The following BPTF variants were observed in gnomAD, a reference collection of about 807,000 sequenced individuals.
BPTF encodes nucleosome-remodeling factor subunit BPTF.
In BPTF, 18 loss-of-function variants were observed where a neutral mutation model predicts 292.5. That is an observed-to-expected ratio of 0.06 (90% CI 0.04 to 0.09). The LOEUF is 0.09. BPTF is among the 10% of genes least tolerant of loss of function. The pLI, the probability that BPTF is intolerant of heterozygous loss-of-function variation, is 1.00. For synonymous variants in BPTF, 1,225 were observed against 1,251.9 expected (o/e 0.98, Z 0.45); for missense variants, 2,726 against 3,498.7 (o/e 0.78, Z 5.57).
chr17:67,973,077 T>A (rs535413415), intron 26 of BPTF, among the ~76,000 whole-genome samples: 15 of 144,416 alleles, frequency 1.0e-4, no homozygotes, highest in Non-Finnish European at 2.0e-4. Flanking sequence ...AATATATATA[T>A]AATATATATA....
rs1483992750 is a variant in BPTF, at chr17:67,911,289, C to T, written c.3405C>T (p.Asp1135=). ...SPNANNDQPE[D]LIQGCSESDS... Reference sequence around the variant, plus strand: ...ATGCAAATAATGATCAACCTGAGGACTTGATTCAGGGATGTTCAGAAAGTG... The same window carrying T: ...ATGCAAATAATGATCAACCTGAGGATTTGATTCAGGGATGTTCAGAAAGTG... The change falls in exon 11 of 28, where the codon GAC becomes GAT. Residue 1135 remains aspartate, a synonymous_variant. Coordinates refer to ENST00000306378, the MANE Select transcript of BPTF (RefSeq NM_182641.4). 1.2e-6 allele frequency: 2 copies of T among 1,613,956 alleles called. No homozygotes were observed. The highest frequency in any genetic ancestry group is 2.7e-5 in the African/African-American group (2 of 74,926).
rs149018701 is a variant in BPTF at position 67,837,838 on chromosome 17, C to T, written c.613+11501C>T. Among the ~76,000 whole-genome samples the T allele has an allele frequency of 1.2e-4, 19 of 152,290 alleles. 2 individuals carry two copies. The East Asian group carries it at 3.7e-3, about 29-fold the overall frequency. On this transcript the variant is annotated intron_variant, in intron 1 of 27. Coordinates refer to ENST00000306378, the MANE Select transcript of BPTF (RefSeq NM_182641.4). ...ATTTATTGGCAAATACACTCACTTGCGATGTGATATGAGACCCTGAGTTTT... is the reference window on the plus strand; with the variant it reads ...ATTTATTGGCAAATACACTCACTTGTGATGTGATATGAGACCCTGAGTTTT...
At chr17:67,849,586 G>A (rs915814829) in intron 1 of BPTF, among the ~76,000 whole-genome samples, 2 of 152,032 alleles carry the variant, frequency 1.3e-5, no homozygotes, top group Non-Finnish European at 2.9e-5. Context: ...TCAGGATATA[G>A]GGAGGTGTTT....
intron 18 of BPTF, among the ~76,000 whole-genome samples, chr17:67,939,756 T>A (rs1300071082): frequency 6.6e-6 from 1 of 152,204 alleles, no homozygotes; most frequent in African/African-American, 2.4e-5. Context: ...GGGACATGCC[T>A]GTAGTCCCAG....
intron 13 of BPTF, 83 bp from the exon 14 acceptor site, chr17:67,922,757 C>A: frequency 1.4e-6 from 2 of 1,460,328 alleles, no homozygotes; most frequent in Non-Finnish European, 1.8e-6. Flanking sequence ...GTTTGCCAAC[C>A]ACTTTTTCAT....
In BPTF at chr17:67,981,338, C is replaced by T. The variant is rs567382137; in HGVS notation, c.8727-914C>T. The T allele has an allele frequency of 3.1e-4, 101 of 327,638 alleles. No individual in the cohort carries two copies. The South Asian group carries it at 4.2e-3, about 14-fold the overall frequency. The allele number at this position is 327,638 out of a possible 1,614,324, so 20.3% of individuals were successfully genotyped here. On this transcript the variant is annotated intron_variant, in intron 27 of 27. Transcript: ENST00000306378. ...CAGAATTTCCTTTGCCATATTTTCC[C>T]ATTTTATGATCTCCAGCATTGTTTG... is the stretch of plus-strand genomic sequence containing the variant.
At chr17:67,921,954 C>T (rs1483029379) in intron 13 of BPTF, among the ~76,000 whole-genome samples, 1 of 152,096 alleles carries the variant, frequency 6.6e-6, no homozygotes, top group African/African-American at 2.4e-5. Context: ...ATTGGTAAAC[C>T]CAGGATGGGG....
intron 1 of BPTF, among the ~76,000 whole-genome samples, chr17:67,830,647 G>A (rs1273638953): frequency 6.6e-6 from 1 of 152,022 alleles, no homozygotes; most frequent in Non-Finnish European, 1.5e-5. Context: ...GAGAGGGAGC[G>A]GGAGCGGGAG....
intron 7 of BPTF, among the ~76,000 whole-genome samples, 171 bp downstream of exon 7, chr17:67,894,336 CT>C (rs371765804): frequency 5.4e-5 from 8 of 148,710 alleles, no homozygotes; most frequent in Admixed American, 6.7e-5. Context: ...TTAGTTCTTT[CT>C]TTTTTTTTTG....
intron 1 of BPTF, among the ~76,000 whole-genome samples, chr17:67,834,663 T>C (rs1437361211): frequency 6.6e-6 from 1 of 152,206 alleles, no homozygotes; most frequent in Non-Finnish European, 1.5e-5. Context: ...TTAACCCCTT[T>C]ATCTCTATCT....
intron 1 of BPTF, among the ~76,000 whole-genome samples, chr17:67,845,929 A>G (rs2057997304): frequency 6.6e-6 from 1 of 151,950 alleles, no homozygotes. Flanking sequence ...TTACTTGGGG[A>G]AAAAACTAAA....
chr17:67,857,930 G>A (rs1196191860), intron 2 of BPTF, among the ~76,000 whole-genome samples: 1 of 151,958 alleles, frequency 6.6e-6, no homozygotes, highest in African/African-American at 2.4e-5. Context: ...TGGGACTACA[G>A]GCATGCGCCA....
At chr17:67,884,010 A>G (rs1225059551) in intron 4 of BPTF, among the ~76,000 whole-genome samples, 2 of 152,198 alleles carry the variant, frequency 1.3e-5, no homozygotes, top group African/African-American at 4.8e-5. Flanking sequence ...TGCTTTTAAC[A>G]TTTAATCTTG....
intron 4 of BPTF, among the ~76,000 whole-genome samples, chr17:67,884,110 C>A (rs145098134): frequency 7.3e-5 from 11 of 150,784 alleles, no homozygotes; most frequent in African/African-American, 2.7e-4. Flanking sequence ...TTTATTCAAC[C>A]AATGCCCTAT....
intron 24 of BPTF, 139 bp downstream of exon 24, chr17:67,960,014 C>A: frequency 1.5e-6 from 1 of 685,698 alleles, no homozygotes; most frequent in Non-Finnish European, 2.3e-6. Context: ...CATGGTCTTG[C>A]ATGTGATATT....
chr17:67,886,033 C>T, intron 4 of BPTF: 1 of 943,482 alleles, frequency 1.1e-6, no homozygotes, highest in Non-Finnish European at 1.6e-6. Context: ...AAAAATACAG[C>T]TTCTTAATGA....
At chr17:67,836,689 C>G (rs1212953002) in intron 1 of BPTF, among the ~76,000 whole-genome samples, 2 of 152,202 alleles carry the variant, frequency 1.3e-5, no homozygotes, top group Admixed American at 6.5e-5. Flanking sequence ...CTTCAACACT[C>G]TTCTCACAGT....
intron 1 of BPTF, among the ~76,000 whole-genome samples, chr17:67,839,765 T>G (rs980595487): frequency 2.6e-5 from 4 of 152,218 alleles, no homozygotes; most frequent in Admixed American, 2.6e-4. Flanking sequence ...GTTTCCATAA[T>G]GGTTTTGTAT....
At chr17:67,877,043 A>G (rs897952127) in intron 4 of BPTF, among the ~76,000 whole-genome samples, 2 of 152,174 alleles carry the variant, frequency 1.3e-5, no homozygotes, top group Admixed American at 6.5e-5. Context: ...AAACAAAACA[A>G]TGATCAAACA....
Sources: gnomAD v4.1 joint callset for allele counts (sites outside exome capture counted in the v4.1 genomes callset) on GRCh38, gnomAD v4.1.1 for gene constraint, MANE v1.5 for transcripts, NCBI Gene and HGNC (gene_info 2026-07-23, HGNC 2026-07-21) for gene names.